INTS7: variants seen among roughly 807,000 people sequenced by gnomAD.
The protein encoded by INTS7 is integrator complex subunit 7.
INTS7 carries 46 observed loss-of-function variants against 109.2 expected under a neutral mutation model. The ratio of observed to expected loss-of-function variants is 0.42; its 90% CI spans 0.33 to 0.54. INTS7 has a LOEUF of 0.54. Among genes scored for constraint, INTS7 ranks in the 20% least tolerant of loss-of-function variants. INTS7 has a pLI of 0.07. For missense variants in INTS7, 929 were observed against 1,132.4 expected (o/e 0.82, Z 2.58); for synonymous variants, 412 against 402.9 (o/e 1.02, Z -0.27).
At chr1:211,976,437 C>T (rs1664423822) in intron 12 of INTS7, 145 bp downstream of exon 12, 3 of 669,988 alleles carry the variant, frequency 4.5e-6, no homozygotes, top group East Asian at 5.4e-5. Flanking sequence ...AAATCAGGTC[C>T]TTTCCTTCCT....
chr1:212,020,672 T>C (rs1666650617), intron 2 of INTS7: 3 of 902,654 alleles, frequency 3.3e-6, no homozygotes, highest in Non-Finnish European at 4.0e-6. Context: ...CAGCAGAAGA[T>C]GGAATGGTCG....
chr1:211,990,503 A>G (rs1476160989), intron 7 of INTS7, among the ~76,000 whole-genome samples: 1 of 152,230 alleles, frequency 6.6e-6, no homozygotes, highest in African/African-American at 2.4e-5. Flanking sequence ...AAGAGATGAC[A>G]TATTTCACTC....
intron 18 of INTS7, among the ~76,000 whole-genome samples, chr1:211,945,674 G>A (rs1337167543): frequency 2.0e-5 from 3 of 152,170 alleles, no homozygotes. Flanking sequence ...GGAATGCTCT[G>A]TTATTTGTAA....
chr1:212,008,805 T>C (rs1171634809), intron 5 of INTS7, among the ~76,000 whole-genome samples: 1 of 152,228 alleles, frequency 6.6e-6, no homozygotes, highest in Non-Finnish European at 1.5e-5. Context: ...TCACATCCCA[T>C]TTCCAAATGT....
chr1:211,976,499 G>T, intron 12 of INTS7, 83 bp downstream of exon 12: 3 of 1,241,478 alleles, frequency 2.4e-6, no homozygotes, highest in South Asian at 1.7e-5. Flanking sequence ...TTTTAGTTTT[G>T]ACTACAACTA....
intron 16 of INTS7, among the ~76,000 whole-genome samples, chr1:211,965,372 C>T (rs569321447): frequency 6.6e-6 from 1 of 152,226 alleles, no homozygotes; most frequent in East Asian, 1.9e-4. Flanking sequence ...GTTCAACCAT[C>T]GTGGAAAGCA....
At position 211,966,443 on chromosome 1, in the gene INTS7, G is replaced by A. The variant is rs1285885009; in HGVS notation, c.2170C>T (p.Pro724Ser). 6.3e-7 allele frequency: 1 copy of A among 1,591,990 alleles called. No homozygotes were observed. Among genetic ancestry groups the A allele is most frequent in the East Asian group, 2.2e-5 (1 of 44,726 alleles). Reference protein sequence around the residue: ...SHAIEALILDPESASFQEYGS... With the variant: ...SHAIEALILDSESASFQEYGS... The stretch of plus-strand genomic sequence containing the variant: ...TATTAGAATTACCTTGCTGATTCTG[G>A]ATCCAAAATCAGGGCTTCTATTGCA... The change falls in exon 16 of 20, where the codon CCA (proline) becomes TCA (serine). Residue 724 changes from proline to serine, a missense_variant. This residue lies in a region of INTS7 where 787 missense variants were observed against 901.1 expected (regional missense o/e 0.87). Coordinates refer to ENST00000366994, the MANE Select transcript of INTS7 (RefSeq NM_015434.4).
chr1:212,021,832 T>G, intron 1 of INTS7, among the ~76,000 whole-genome samples: 1 of 151,780 alleles, frequency 6.6e-6, no homozygotes, highest in East Asian at 1.9e-4. Context: ...TGGGCAGCAG[T>G]GCAAGACCCC....
At chr1:211,948,048 T>C (rs1441051098) in intron 17 of INTS7, among the ~76,000 whole-genome samples, 63 of 152,362 alleles carry the variant, frequency 4.1e-4, no homozygotes, top group Admixed American at 3.7e-3. Context: ...ACCAGCCTGA[T>C]TGAAACCCAA....
At chr1:212,026,419 G>C (rs1423318584) in intron 1 of INTS7, among the ~76,000 whole-genome samples, 1 of 152,098 alleles carries the variant, frequency 6.6e-6, no homozygotes, top group Non-Finnish European at 1.5e-5. Context: ...ATTTCTAACT[G>C]AGATAGAACA....
intron 1 of INTS7, among the ~76,000 whole-genome samples, chr1:212,026,449 C>T (rs1666922991): frequency 6.6e-6 from 1 of 152,166 alleles, no homozygotes; most frequent in African/African-American, 2.4e-5. Flanking sequence ...TTCATCTGCT[C>T]CCTCCTCCCC....
At chr1:212,023,538 G>A (rs758384971) in intron 1 of INTS7, among the ~76,000 whole-genome samples, 6 of 152,028 alleles carry the variant, frequency 3.9e-5, no homozygotes, top group Non-Finnish European at 7.4e-5. Context: ...TTGACTGCTT[G>A]TATGTCTTCT....
In INTS7 at chr1:212,035,532, T is replaced by C; in HGVS notation, c.-95A>G. 9.9e-7 allele frequency: 1 copy of C among 1,006,980 alleles called. No individual in the cohort carries two copies. Among genetic ancestry groups the C allele is most frequent in the South Asian group, 1.3e-5 (1 of 75,930 alleles). The allele number at this position is 1,006,980 out of a possible 1,614,324, so 62.4% of individuals were successfully genotyped here. On this transcript the variant is annotated 5_prime_UTR_variant, in exon 1 of 20. Coordinates refer to ENST00000366994, the MANE Select transcript of INTS7 (RefSeq NM_015434.4). ...CCCGCCGCCTTCTTGCTGGTTTTTC[T>C]TCCGCGCGCTGTCAAGCCCTGTTAC... is the stretch of plus-strand genomic sequence containing the variant.
At position 211,952,603 on chromosome 1, in the gene INTS7, G is replaced by A. The variant is rs140274346; in HGVS notation, c.2282C>T (p.Ser761Leu). 1.4e-5 allele frequency: 23 copies of A among 1,612,884 alleles called. No individual in the cohort carries two copies. The highest frequency in any genetic ancestry group is 3.4e-6 in the Non-Finnish European group (4 of 1,179,432). The change falls in exon 17 of 20, where the codon TCA becomes TTA. Residue 761 changes from serine (S) to leucine (L), a missense_variant. This residue lies in a region of INTS7 where 787 missense variants were observed against 901.1 expected (regional missense o/e 0.87). Transcript: ENST00000366994. ...VYNHVLEEVE[S>L]LNRKYTPVSY... ...AACAGGGGTATATTTCCGATTGAGT[G>A]ATTCTACCTCCTCCAAGACATGATT...
chr1:211,991,102 TAAG>T (rs1182453742), intron 7 of INTS7, among the ~76,000 whole-genome samples: 2 of 152,106 alleles, frequency 1.3e-5, no homozygotes, highest in African/African-American at 4.8e-5. Flanking sequence ...AAGAAATGAA[TAAG>T]AAGGATTCAG....
At chr1:212,001,264 T>C (rs1163804868) in intron 7 of INTS7, among the ~76,000 whole-genome samples, 1 of 151,600 alleles carries the variant, frequency 6.6e-6, no homozygotes, top group East Asian at 1.9e-4. Context: ...ACAAGGTTTC[T>C]CCATGTTTGT....
At chr1:212,020,701 G>C in intron 2 of INTS7, 1 of 1,000,558 alleles carries the variant, frequency 1.0e-6, no homozygotes. Context: ...AAAGCAAATA[G>C]GCATGTATTC....
intron 7 of INTS7, among the ~76,000 whole-genome samples, chr1:212,001,093 G>A (rs1264120560): frequency 7.9e-6 from 1 of 126,870 alleles, no homozygotes; most frequent in Non-Finnish European, 1.6e-5. Flanking sequence ...TTGAGACAGA[G>A]TTTTGCTCTT....
intron 16 of INTS7, among the ~76,000 whole-genome samples, chr1:211,955,783 GCTCA>G (rs1032136738): frequency 2.6e-5 from 4 of 152,164 alleles, no homozygotes; most frequent in African/African-American, 7.2e-5. Flanking sequence ...TGCATACGTG[GCTCA>G]CTGAGATGAC....
Sources: gnomAD v4.1 joint callset for allele counts (sites outside exome capture counted in the v4.1 genomes callset) on GRCh38, gnomAD v4.1.1 for gene constraint, gnomAD v4.1.1 regional missense constraint, MANE v1.5 for transcripts, NCBI Gene and HGNC (gene_info 2026-07-23, HGNC 2026-07-21) for gene names.